Variants in ABCC2 observed in about 807,000 individuals in gnomAD.
The protein encoded by ABCC2 is ATP-binding cassette sub-family C member 2.
A neutral mutation model predicts 173.4 loss-of-function variants in ABCC2; 157 were observed. The observed-to-expected ratio is 0.91, with a 90% CI of 0.80 to 1.03. The LOEUF (loss-of-function observed/expected upper bound fraction) is 1.03, where lower values mean the gene tolerates loss of function less well. ABCC2 is among the 50% of genes least tolerant of loss of function. ABCC2 has a pLI of 0.00. For missense variants in ABCC2, 1,822 were observed against 1,852.3 expected (o/e 0.98, Z 0.30); for synonymous variants, 657 against 693.5 (o/e 0.95, Z 0.83).
chr10:99,851,590 A>G lies in ABCC2; in HGVS notation c.4597A>G (p.Lys1533Glu). ...QIPGPFYFMA[K>E]EAGIENVNST... ...CCCTGGACCCTTTTACTTTATGGCT[A>G]AGGAAGCTGGCATTGAGAATGTGAA... is the stretch of plus-strand genomic sequence containing the variant. Residue 1533 changes from lysine to glutamate, a missense_variant, in exon 32 of 32, where the codon AAG becomes GAG. Physicochemically the swap from Lys to Glu is moderately conservative, Grantham distance 56 (BLOSUM62 1). Coordinates refer to ENST00000647814, the MANE Select transcript of ABCC2 (RefSeq NM_000392.5). 1 of 1,614,196 alleles carries G rather than the reference A, an allele frequency of 6.2e-7. No homozygotes were observed. The highest frequency in any genetic ancestry group is 1.1e-5 in the South Asian group (1 of 91,090).
rs145841924 is a variant in ABCC2, at chr10:99,799,353, G to T, written c.1014G>T (p.Val338=). The part of the protein sequence containing the change: ...LKLVNDIFTF[V]SPQLLKLLIS... Reference sequence around the variant, plus strand: ...TAGTGAATGACATCTTCACGTTTGTGAGTCCTCAGCTGCTGAAGTGAGTCT... The same window carrying T: ...TAGTGAATGACATCTTCACGTTTGTTAGTCCTCAGCTGCTGAAGTGAGTCT... The change falls in exon 8 of 32, where the codon GTG becomes GTT. Residue 338 remains valine (V), a synonymous_variant. Coordinates refer to ENST00000647814, the MANE Select transcript of ABCC2 (RefSeq NM_000392.5). 49 of 1,614,110 alleles carry T rather than the reference G, an allele frequency of 3.0e-5. No individual in the cohort carries two copies. Among genetic ancestry groups the T allele is most frequent in the Non-Finnish European group, 4.0e-5 (47 of 1,180,024 alleles).
chr10:99,848,932 G>A, intron 30 of ABCC2, among the ~76,000 whole-genome samples: 1 of 152,178 alleles, frequency 6.6e-6, no homozygotes, highest in East Asian at 1.9e-4. Context: ...CAGCAAAAAT[G>A]TAATAACACC....
chr10:99,825,981 C>A (rs566033369), intron 19 of ABCC2, among the ~76,000 whole-genome samples: 1 of 152,358 alleles, frequency 6.6e-6, no homozygotes, highest in East Asian at 1.9e-4. Flanking sequence ...AGGCTGGCCC[C>A]TTTGGTCGTT....
intron 3 of ABCC2, among the ~76,000 whole-genome samples, chr10:99,792,575 T>G (rs991986770): frequency 1.4e-4 from 21 of 152,232 alleles, no homozygotes; most frequent in African/African-American, 4.8e-4. Context: ...CTAGGTTAAG[T>G]ATTAGCTTTC....
At chr10:99,786,867 G>C (rs1412657773) in intron 2 of ABCC2, among the ~76,000 whole-genome samples, 1 of 152,164 alleles carries the variant, frequency 6.6e-6, no homozygotes, top group African/African-American at 2.4e-5. Flanking sequence ...GCCAGGCATG[G>C]TGGCGGACGC....
At chr10:99,793,753 C>T (rs934426973) in intron 4 of ABCC2, 68 bp downstream of exon 4, 1 of 1,604,394 alleles carries the variant, frequency 6.2e-7, no homozygotes, top group African/African-American at 1.3e-5. Flanking sequence ...TAGTAAATGG[C>T]ATCAAGTTGA....
intron 9 of ABCC2, among the ~76,000 whole-genome samples, chr10:99,803,174 G>A (rs999191614): frequency 6.6e-6 from 1 of 152,096 alleles, no homozygotes; most frequent in Non-Finnish European, 1.5e-5. Flanking sequence ...TCGCCATATT[G>A]GCCAGGCTGG....
intron 2 of ABCC2, among the ~76,000 whole-genome samples, chr10:99,787,674 TC>T (rs1388344219): frequency 7.0e-6 from 1 of 143,466 alleles, no homozygotes; most frequent in Non-Finnish European, 1.5e-5. Flanking sequence ...TTGCGAATTG[TC>T]TGTTCATATC....
At chr10:99,814,338 T>C (rs1412724220) in intron 16 of ABCC2, among the ~76,000 whole-genome samples, 1 of 136,752 alleles carries the variant, frequency 7.3e-6, no homozygotes, top group East Asian at 2.1e-4. Context: ...TACACACATG[T>C]ATATATACAC....
intron 12 of ABCC2, 110 bp from the exon 13 acceptor site, chr10:99,807,973 G>A (rs1191488802): frequency 2.2e-6 from 3 of 1,340,316 alleles, no homozygotes; most frequent in Non-Finnish European, 3.2e-6. Context: ...TGGGGAGGCT[G>A]GATGATCCTT....
At chr10:99,843,487 A>T (rs1336791844) in intron 26 of ABCC2, among the ~76,000 whole-genome samples, 2 of 152,238 alleles carry the variant, frequency 1.3e-5, no homozygotes, top group Non-Finnish European at 2.9e-5. Flanking sequence ...CTAGGCATCC[A>T]GGCAGGAGGC....
At chr10:99,793,461 C>A in intron 3 of ABCC2, 90 bp from the exon 4 acceptor site, 1 of 1,578,120 alleles carries the variant, frequency 6.3e-7, no homozygotes, top group Non-Finnish European at 8.7e-7. Flanking sequence ...CCTCAGCCCT[C>A]CTTTCTTCCC....
intron 13 of ABCC2, 31 bp downstream of exon 13, chr10:99,808,260 G>A: frequency 6.2e-7 from 1 of 1,613,024 alleles, no homozygotes; most frequent in Non-Finnish European, 8.5e-7. Flanking sequence ...CTAACTCCCT[G>A]TCTCTGGTTA....
intron 10 of ABCC2, 80 bp downstream of exon 10, chr10:99,804,353 T>C: frequency 6.3e-7 from 1 of 1,588,312 alleles, no homozygotes; most frequent in Non-Finnish European, 8.6e-7. Flanking sequence ...TAATTCTTAA[T>C]GGGAGTTTGG....
At chr10:99,808,617 C>G (rs926657778) in intron 13 of ABCC2, among the ~76,000 whole-genome samples, 4 of 152,100 alleles carry the variant, frequency 2.6e-5, no homozygotes, top group African/African-American at 9.7e-5. Context: ...GAGAGACCCT[C>G]CCTTTGCATA....
At chr10:99,794,500 T>C (rs1369584128) in intron 6 of ABCC2, 32 bp downstream of exon 6, 1 of 1,574,042 alleles carries the variant, frequency 6.4e-7, no homozygotes, top group African/African-American at 1.4e-5. Flanking sequence ...ATTGGCTGTA[T>C]CCTTACTCTC....
At position 99,831,528 on chromosome 10, in the gene ABCC2, TCTC is replaced by T. The variant is rs2133114362; in HGVS notation, c.2884-80_2884-78del. ...ACCCATGCTCCCAGGGGACTCCACT[TCTC>T]CTTGTGGTTGGCATTCTAGGTGATT... is the stretch of plus-strand genomic sequence containing the variant. On this transcript the variant is annotated intron_variant, in intron 21 of 31. Coordinates refer to ENST00000647814, the MANE Select transcript of ABCC2 (RefSeq NM_000392.5). 6.5e-6 allele frequency: 9 copies of T among 1,391,154 alleles called. No homozygotes were observed. The East Asian group carries it at 6.9e-5, about 11-fold the overall frequency. 86.2% of individuals were successfully genotyped at this position (1,391,154 alleles called of 1,614,324 possible). A position where few individuals can be genotyped will look rare whatever the true frequency, so the allele number is the denominator to read the frequency against.
intron 2 of ABCC2, among the ~76,000 whole-genome samples, chr10:99,787,263 C>T (rs2037729179): frequency 6.6e-6 from 1 of 152,186 alleles, no homozygotes; most frequent in African/African-American, 2.4e-5. Context: ...CCCGTCTCCT[C>T]CTTCCCCTTA....
In ABCC2 at chr10:99,852,305, A is replaced by G. The variant is rs2039096848; in HGVS notation, c.*674A>G. ...ACAAACTAGCTGATGCCAAACTGGT[A>G]ATGCCAACTGAAAACATTGCTGTCA... is the stretch of plus-strand genomic sequence containing the variant. On this transcript the variant is annotated 3_prime_UTR_variant, in exon 32 of 32. Coordinates refer to ENST00000647814, the MANE Select transcript of ABCC2 (RefSeq NM_000392.5). 6.6e-6 allele frequency: 1 copy of G among 152,340 alleles called. No individual in the cohort carries two copies. The highest frequency in any genetic ancestry group is 6.5e-5 in the Admixed American group (1 of 15,296). The allele number at this position is 152,340 out of a possible 1,614,324, so 9.4% of individuals were successfully genotyped here. A position where few individuals can be genotyped will look rare whatever the true frequency, so the allele number is the denominator to read the frequency against.
Sources: allele counts gnomAD v4.1 joint callset (sites outside exome capture counted in the v4.1 genomes callset), GRCh38; gene constraint gnomAD v4.1.1; transcripts MANE v1.5; gene names NCBI Gene and HGNC (gene_info 2026-07-23, HGNC 2026-07-21).